FKBP15: variants seen among roughly 807,000 people sequenced by gnomAD.
The protein encoded by FKBP15 is FKBP prolyl isomerase family member 15, also known as FK506-binding protein 15.
In FKBP15, 106 loss-of-function variants were observed where a neutral mutation model predicts 158.1. The observed-to-expected ratio is 0.67, with a 90% confidence interval of 0.57 to 0.79. The LOEUF is 0.79. FKBP15 is among the 30% of genes least tolerant of loss of function. FKBP15 has a pLI of 0.00. For missense variants in FKBP15, 1,287 were observed against 1,479.1 expected (o/e 0.87, Z 2.13); for synonymous variants, 547 against 548.6 (o/e 1.00, Z 0.04).
chr9:113,178,241 G>A (rs1341425635), intron 20 of FKBP15, among the ~76,000 whole-genome samples: 2 of 152,132 alleles, frequency 1.3e-5, no homozygotes, highest in East Asian at 1.9e-4. Flanking sequence ...TTGAGTGTGA[G>A]GCTGAAGAGT....
chr9:113,200,386 G>A (rs1339407761), intron 6 of FKBP15, among the ~76,000 whole-genome samples: 1 of 152,112 alleles, frequency 6.6e-6, no homozygotes, highest in African/African-American at 2.4e-5. Context: ...CAGTGTTTGG[G>A]AACCTAGGAA....
rs1276175403 is a variant in FKBP15 at position 113,163,417 on chromosome 9, C to T, written c.*2661G>A. ...TAGATCCTTTTTCTCACCTTTCTGC[C>T]TTTGGAACACATGAAGATCATCTCG... On this transcript the variant is annotated 3_prime_UTR_variant, in exon 28 of 28. Coordinates refer to ENST00000238256, the MANE Select transcript of FKBP15 (RefSeq NM_015258.2). 1 of 152,800 alleles carries T rather than the reference C, an allele frequency of 6.5e-6. No homozygotes were observed. 9.5% of individuals were successfully genotyped at this position (152,800 alleles called of 1,614,324 possible).
chr9:113,165,228 T>G lies in FKBP15; in HGVS notation c.*850A>C, dbSNP rs1830080107. On this transcript the variant is annotated 3_prime_UTR_variant, in exon 28 of 28. Transcript: ENST00000238256. ...CATGAACAATGGAAAGAAGGGACCCTCTCACCTTCTTTGCATGGCTTCCTA... is the reference window on the plus strand; with the variant it reads ...CATGAACAATGGAAAGAAGGGACCCGCTCACCTTCTTTGCATGGCTTCCTA... 6.6e-6 allele frequency: 1 copy of G among 152,182 alleles called. No individual in the cohort carries two copies. The highest frequency in any genetic ancestry group is 2.4e-5 in the African/African-American group (1 of 41,420). The allele number at this position is 152,182 out of a possible 1,614,324, so 9.4% of individuals were successfully genotyped here.
At chr9:113,182,924 G>A in intron 18 of FKBP15, 56 bp from the exon 19 acceptor site, 1 of 1,409,194 alleles carries the variant, frequency 7.1e-7, no homozygotes, top group South Asian at 1.2e-5. Context: ...TGTATGGCAG[G>A]CACAACCCAA....
intron 6 of FKBP15, among the ~76,000 whole-genome samples, chr9:113,201,176 A>G (rs1173134656): frequency 6.6e-6 from 1 of 152,000 alleles, no homozygotes; most frequent in East Asian, 1.9e-4. Flanking sequence ...AGGTACGATG[A>G]GAAAATTGAT....
Position 113,193,615 on chromosome 9 carries a change from T to C in FKBP15, c.1008-66A>G, listed in dbSNP as rs1413324924. The C allele has an allele frequency of 3.8e-6, 5 of 1,308,674 alleles. No homozygotes were observed. The East Asian group carries it at 7.4e-5, about 19-fold the overall frequency. The allele number at this position is 1,308,674 out of a possible 1,614,324, so 81.1% of individuals were successfully genotyped here. On this transcript the variant is annotated intron_variant, in intron 10 of 27. Coordinates refer to ENST00000238256, the MANE Select transcript of FKBP15 (RefSeq NM_015258.2). Reference sequence around the variant, plus strand: ...TCCAGAATCACAAGTCCAAATTATATTGGATAAGCAAATTGTTTTTTTAAA... The same window carrying C: ...TCCAGAATCACAAGTCCAAATTATACTGGATAAGCAAATTGTTTTTTTAAA...
intron 17 of FKBP15, 136 bp from the exon 18 acceptor site, chr9:113,183,981 A>G (rs2118888087): frequency 1.5e-6 from 1 of 666,688 alleles, no homozygotes; most frequent in Non-Finnish European, 2.6e-6. Flanking sequence ...GTCCACATGT[A>G]TGTTAAAACA....
chr9:113,167,659 C>G (rs1830118836), intron 27 of FKBP15, among the ~76,000 whole-genome samples: 1 of 152,098 alleles, frequency 6.6e-6, no homozygotes, highest in Admixed American at 6.5e-5. Flanking sequence ...CAAAATTTGC[C>G]CCATTCACCC....
Position 113,203,903 on chromosome 9 carries a change from T to C in FKBP15, c.325-868A>G, listed in dbSNP as rs148272139. 4.7e-3 allele frequency among the ~76,000 whole-genome samples: 720 copies of C among 152,334 alleles called. 6 individuals carry two copies. The highest frequency in any genetic ancestry group is 0.011 in the Admixed American group (166 of 15,300). The stretch of plus-strand genomic sequence containing the variant: ...TTTGTCTTGCTTCTTTCACTCACCG[T>C]ATCTATAAGAGTAAGCCTTGATACT... On this transcript the variant is annotated intron_variant, in intron 4 of 27. Coordinates refer to ENST00000238256, the MANE Select transcript of FKBP15 (RefSeq NM_015258.2).
At chr9:113,194,286 G>A in intron 9 of FKBP15, 117 bp from the exon 10 acceptor site, 2 of 724,916 alleles carry the variant, frequency 2.8e-6, no homozygotes, top group Non-Finnish European at 4.4e-6. Flanking sequence ...GTAGAGGGGA[G>A]GGATAGCATT....
chr9:113,185,319 G>A (rs918454481), intron 15 of FKBP15, among the ~76,000 whole-genome samples: 1 of 152,190 alleles, frequency 6.6e-6, no homozygotes, highest in South Asian at 2.1e-4. Context: ...TTGGTGACAC[G>A]CGTACACAGT....
At position 113,193,518 on chromosome 9, in the gene FKBP15, G is replaced by C; in HGVS notation, c.1039C>G (p.Leu347Val). 1.9e-6 allele frequency: 3 copies of C among 1,599,400 alleles called. No homozygotes were observed. Among genetic ancestry groups the C allele is most frequent in the Non-Finnish European group, 2.6e-6 (3 of 1,172,400 alleles). The change falls in exon 11 of 28, where the codon CTC becomes GTC. Residue 347 changes from leucine to valine, a missense_variant. Leu to Val is a conservative substitution (Grantham distance 32). Transcript: ENST00000238256. ...EPALRTKSNS[L>V]SEQLAINTSP... ...GTATTTATTGCAAGTTGTTCACTGA[G>C]GGAGTTAGATTTGGTACGAAGAGCT...
rs1175072827 is a variant in FKBP15 at position 113,190,522 on chromosome 9, G to A, written c.1122C>T (p.Pro374=). 1.2e-6 allele frequency: 2 copies of A among 1,612,474 alleles called. No homozygotes were observed. The highest frequency in any genetic ancestry group is 2.7e-5 in the African/African-American group (2 of 74,922). The change falls in exon 12 of 28, where the codon CCC becomes CCT. Residue 374 remains proline, a synonymous_variant. Transcript: ENST00000238256. ...LISRMAKMGQ[P]MLPILPPQLD... is the part of the protein sequence containing the mutation. The stretch of plus-strand genomic sequence containing the variant: ...GCTGTGGTGGAAGGATGGGCAGCAT[G>A]GGCTGGCCCATTTTAGCCATCCGAG...
intron 1 of FKBP15, among the ~76,000 whole-genome samples, chr9:113,218,443 G>T (rs1831189969): frequency 6.8e-6 from 1 of 146,022 alleles, no homozygotes; most frequent in South Asian, 2.1e-4. Flanking sequence ...GGGCATAGTA[G>T]GTAAAATTAT....
At chr9:113,177,834 G>C (rs1265657790) in intron 20 of FKBP15, among the ~76,000 whole-genome samples, 1 of 152,134 alleles carries the variant, frequency 6.6e-6, no homozygotes, top group Non-Finnish European at 1.5e-5. Flanking sequence ...TAATCAACCT[G>C]CTGGTCTTCA....
intron 20 of FKBP15, among the ~76,000 whole-genome samples, chr9:113,177,672 G>C (rs1008300421): frequency 2.6e-5 from 4 of 152,158 alleles, no homozygotes; most frequent in Non-Finnish European, 5.9e-5. Context: ...GTATCTTCAA[G>C]GTAGCACCTT....
intron 20 of FKBP15, among the ~76,000 whole-genome samples, chr9:113,177,003 A>C (rs1830310605): frequency 6.6e-6 from 1 of 152,100 alleles, no homozygotes; most frequent in Non-Finnish European, 1.5e-5. Flanking sequence ...CACCTCACTG[A>C]CCAGCAATAA....
chr9:113,170,692 G>A, intron 24 of FKBP15, 63 bp from the exon 25 acceptor site: 1 of 1,318,340 alleles, frequency 7.6e-7, no homozygotes, highest in East Asian at 2.3e-5. Context: ...TTAAATTCCA[G>A]AGAGGTGTAT....
Position 113,178,676 on chromosome 9 carries a change from T to C in FKBP15, c.2040A>G (p.Thr680=), listed in dbSNP as rs1320380533. 1.9e-6 allele frequency: 3 copies of C among 1,610,440 alleles called. No homozygotes were observed. The highest frequency in any genetic ancestry group is 1.7e-5 in the Admixed American group (1 of 59,632). The change falls in exon 20 of 28, where the codon ACA becomes ACG. Residue 680 remains threonine, a synonymous_variant. Transcript: ENST00000238256. ...TGGTGAGCTGGCCCCTGAGAAGATC[T>C]GTCTCCTTCAGGCTTTCTGTCAGCT... ...QMQLTESLKE[T]DLLRGQLTKV...
Sources: allele counts gnomAD v4.1 joint callset (sites outside exome capture counted in the v4.1 genomes callset), GRCh38; gene constraint gnomAD v4.1.1; transcripts MANE v1.5; gene names NCBI Gene and HGNC (gene_info 2026-07-23, HGNC 2026-07-21).